The following MEIS2 variants were observed in gnomAD, a reference collection of about 807,000 sequenced individuals.
The protein encoded by MEIS2 is Meis homeobox 2.
Under a neutral mutation model 58.6 loss-of-function variants are expected in MEIS2, and 9 were observed. The ratio of observed to expected loss-of-function variants is 0.15; its 90% confidence interval spans 0.09 to 0.27. The LOEUF (loss-of-function observed/expected upper bound fraction) is 0.27. Ranked by LOEUF, MEIS2 falls within the 10% of genes least tolerant of loss-of-function variation. The probability of loss-of-function intolerance (pLI) is 1.00; values close to 1 mark genes in which losing one functional copy is unlikely to be tolerated. For missense variants in MEIS2, 427 were observed against 635.0 expected (o/e 0.67, Z 3.52); for synonymous variants, 221 against 228.4 (o/e 0.97, Z 0.29).
rs1183529709 is a variant in MEIS2, at chr15:37,083,838, T to G, written c.687A>C (p.Ser229=). Residue 229 remains serine, a synonymous_variant, in exon 7 of 12, where the codon TCA becomes TCC. Coordinates refer to ENST00000561208, the MANE Select transcript of MEIS2 (RefSeq NM_170675.5). ...RDHDDATSTH[S]AGTPGPSSGG... is the part of the protein sequence containing the mutation. ...CACTGGAGGGCCCTGGGGTGCCTGC[T>G]GAGTGGGTTGAGGTTGCATCATCGT... The G allele has an allele frequency of 6.2e-7, 1 of 1,614,110 alleles. No homozygotes were observed. Among genetic ancestry groups the G allele is most frequent in the Non-Finnish European group, 8.5e-7 (1 of 1,179,984 alleles).
intron 7 of MEIS2, among the ~76,000 whole-genome samples, chr15:37,047,593 C>G (rs2062727240): frequency 6.6e-6 from 1 of 152,036 alleles, no homozygotes; most frequent in African/African-American, 2.4e-5. Context: ...AAATAAAGAC[C>G]CTAAAAGAGA....
chr15:36,930,794 A>G (rs957531807), intron 9 of MEIS2, among the ~76,000 whole-genome samples: 4 of 152,228 alleles, frequency 2.6e-5, no homozygotes, highest in Non-Finnish European at 5.9e-5. Context: ...ATCTTTCTAT[A>G]AGTACAAACA....
chr15:36,986,783 T>C (rs2060106852), intron 8 of MEIS2, among the ~76,000 whole-genome samples: 2 of 152,228 alleles, frequency 1.3e-5, no homozygotes, highest in South Asian at 4.1e-4. Flanking sequence ...TTATCTTGTT[T>C]CCATTGTGTT....
chr15:36,900,089 G>GA (rs2056389959), intron 9 of MEIS2, among the ~76,000 whole-genome samples: 1 of 152,186 alleles, frequency 6.6e-6, no homozygotes, highest in Non-Finnish European at 1.5e-5. Context: ...ATACCAGAAT[G>GA]ATTTCGAAGT....
At chr15:36,986,137 G>C (rs1030306555) in intron 8 of MEIS2, among the ~76,000 whole-genome samples, 7 of 152,244 alleles carry the variant, frequency 4.6e-5, no homozygotes, top group African/African-American at 1.7e-4. Flanking sequence ...TTATTTGGGG[G>C]ATGATCAAGT....
chr15:36,916,977 TG>T (rs1300442700), intron 9 of MEIS2, among the ~76,000 whole-genome samples: 1 of 152,126 alleles, frequency 6.6e-6, no homozygotes, highest in East Asian at 1.9e-4. Context: ...GTGGCAGAAG[TG>T]GCAGTCAGAT....
intron 9 of MEIS2, among the ~76,000 whole-genome samples, chr15:36,923,016 GAAAC>G (rs979689980): frequency 4.6e-5 from 7 of 151,974 alleles, no homozygotes; most frequent in Admixed American, 2.0e-4. Context: ...ATGTTCTCTG[GAAAC>G]AAACAAAAAA....
intron 9 of MEIS2, among the ~76,000 whole-genome samples, chr15:36,921,360 G>C (rs2057499470): frequency 6.6e-6 from 1 of 152,156 alleles, no homozygotes; most frequent in Non-Finnish European, 1.5e-5. Flanking sequence ...TTCTGTTCAA[G>C]GGACAGCCAC....
chr15:36,935,208 G>A (rs1186342813), intron 9 of MEIS2, among the ~76,000 whole-genome samples: 1 of 149,456 alleles, frequency 6.7e-6, no homozygotes, highest in Non-Finnish European at 1.5e-5. Context: ...TTTTTTAGCG[G>A]AGGAGAAATT....
intron 9 of MEIS2, among the ~76,000 whole-genome samples, chr15:36,945,099 A>G (rs1380512572): frequency 1.3e-5 from 2 of 152,044 alleles, no homozygotes; most frequent in Non-Finnish European, 2.9e-5. Context: ...CTTTGCTGTA[A>G]AGAAGTGCAA....
chr15:36,929,930 T>C (rs932138172), intron 9 of MEIS2, among the ~76,000 whole-genome samples: 2 of 151,758 alleles, frequency 1.3e-5, no homozygotes, highest in Admixed American at 6.6e-5. Context: ...AGGCCCGGTG[T>C]GGTGGCTCAC....
chr15:36,987,783 G>GT (rs146591977), intron 8 of MEIS2, among the ~76,000 whole-genome samples: 181 of 146,070 alleles, frequency 1.2e-3, no homozygotes, highest in East Asian at 4.4e-3. Flanking sequence ...GCTATGACCA[G>GT]TTTTTTTTTT....
At chr15:37,006,524 T>C (rs2060929326) in intron 8 of MEIS2, among the ~76,000 whole-genome samples, 1 of 152,230 alleles carries the variant, frequency 6.6e-6, no homozygotes, top group South Asian at 2.1e-4. Flanking sequence ...TCTATGCAAG[T>C]CTACTTTAAA....
intron 7 of MEIS2, among the ~76,000 whole-genome samples, chr15:37,077,213 C>T (rs1408022603): frequency 6.6e-6 from 1 of 152,046 alleles, no homozygotes; most frequent in Non-Finnish European, 1.5e-5. Context: ...AAAGGAGAAG[C>T]TAATTGGAAG....
At chr15:36,912,955 G>T (rs2057109045) in intron 9 of MEIS2, among the ~76,000 whole-genome samples, 1 of 152,058 alleles carries the variant, frequency 6.6e-6, no homozygotes, top group Admixed American at 6.6e-5. Flanking sequence ...GTTTTTAATA[G>T]TGCTTGTTTC....
intron 8 of MEIS2, among the ~76,000 whole-genome samples, chr15:36,998,236 GTTTTTTTTTTT>G (rs5811954): frequency 2.2e-4 from 15 of 66,776 alleles, no homozygotes; most frequent in African/African-American, 4.0e-4. Flanking sequence ...AAAACACAAA[GTTTTTTTTTTT>G]TTTTTTTTTT....
In MEIS2 at chr15:37,099,644, A is replaced by AT. The variant is rs140248890; in HGVS notation, c.-179dup. 0.015 allele frequency: 11,511 copies of AT among 778,368 alleles called. 889 individuals carry two copies. In the African/African-American group the frequency reaches 0.18, roughly 12 times the overall value. 48.2% of individuals were successfully genotyped at this position (778,368 alleles called of 1,614,324 possible). On this transcript the variant is annotated 5_prime_UTR_variant, in exon 1 of 12. Transcript: ENST00000561208. ...AAAAGCCCAGTCTAGACAACGAAGAATTTTTTTTTCTGTGATATTTCTTCT... is the reference window on the plus strand; with the variant it reads ...AAAAGCCCAGTCTAGACAACGAAGAATTTTTTTTTTCTGTGATATTTCTTCT...
chr15:36,993,130 A>G (rs2060358493), intron 8 of MEIS2, among the ~76,000 whole-genome samples: 1 of 152,186 alleles, frequency 6.6e-6, no homozygotes, highest in Non-Finnish European at 1.5e-5. Context: ...TTCTGGAAGG[A>G]TGAGCACACC....
At chr15:36,997,905 A>C (rs1159251394) in intron 8 of MEIS2, among the ~76,000 whole-genome samples, 1 of 152,180 alleles carries the variant, frequency 6.6e-6, no homozygotes, top group African/African-American at 2.4e-5. Context: ...GTGCTTACAA[A>C]GTGCTGACCG....
Sources: gnomAD v4.1 joint callset for allele counts (sites outside exome capture counted in the v4.1 genomes callset) on GRCh38, gnomAD v4.1.1 for gene constraint, MANE v1.5 for transcripts, NCBI Gene and HGNC (gene_info 2026-07-23, HGNC 2026-07-21) for gene names.